GAREM1: variants seen among roughly 807,000 people sequenced by gnomAD.
GAREM1 encodes GRB2 associated regulator of MAPK1 subtype 1, also known as GRB2-associated and regulator of MAPK protein 1.
In GAREM1, 26 loss-of-function variants were observed where a neutral mutation model predicts 71.3. That is an observed-to-expected ratio of 0.36 (90% CI 0.27 to 0.51). The LOEUF (loss-of-function observed/expected upper bound fraction) is 0.51, where lower values mean the gene tolerates loss of function less well. GAREM1 is among the 20% of genes least tolerant of loss of function. The pLI is 0.95. For synonymous variants in GAREM1, 440 were observed against 433.2 expected (o/e 1.02, Z -0.20); for missense variants, 1,026 against 1,103.1 (o/e 0.93, Z 0.99).
At chr18:32,385,467 TCTG>T (rs2048137405) in intron 2 of GAREM1, among the ~76,000 whole-genome samples, 1 of 152,040 alleles carries the variant, frequency 6.6e-6, no homozygotes, top group African/African-American at 2.4e-5. Flanking sequence ...AGCTGTCCCC[TCTG>T]AGGCTCCAGG....
At chr18:32,431,384 C>T (rs751103652) in intron 1 of GAREM1, among the ~76,000 whole-genome samples, 15 of 152,162 alleles carry the variant, frequency 9.9e-5, no homozygotes, top group Non-Finnish European at 1.8e-4. Context: ...AATCCCAGCA[C>T]TTTGGGAGGC....
At chr18:32,453,005 C>T (rs184343582) in intron 1 of GAREM1, among the ~76,000 whole-genome samples, 51 of 152,046 alleles carry the variant, frequency 3.4e-4, no homozygotes, top group Non-Finnish European at 5.4e-4. Context: ...TCCATTTTCA[C>T]GCTGCTGATA....
intron 3 of GAREM1, among the ~76,000 whole-genome samples, chr18:32,296,227 C>A (rs986304270): frequency 2.6e-5 from 4 of 152,172 alleles, no homozygotes; most frequent in Non-Finnish European, 5.9e-5. Flanking sequence ...TCCCAAAGGG[C>A]TGGGATTACA....
chr18:32,399,434 G>C (rs1395332737), intron 1 of GAREM1, among the ~76,000 whole-genome samples: 2 of 152,172 alleles, frequency 1.3e-5, no homozygotes, highest in Non-Finnish European at 2.9e-5. Flanking sequence ...CATCGTCTCA[G>C]CCCAAAATCT....
chr18:32,374,331 C>T (rs1284712756), intron 2 of GAREM1, among the ~76,000 whole-genome samples: 3 of 152,184 alleles, frequency 2.0e-5, no homozygotes, highest in Non-Finnish European at 4.4e-5. Flanking sequence ...CTTTAATTTG[C>T]AGGTTGGTTT....
chr18:32,431,712 C>T (rs1215022032), intron 1 of GAREM1, among the ~76,000 whole-genome samples: 3 of 152,102 alleles, frequency 2.0e-5, no homozygotes, highest in African/African-American at 7.2e-5. Flanking sequence ...TCAAAAATGT[C>T]AGCAAATACC....
At chr18:32,380,142 AT>A (rs2048081145) in intron 2 of GAREM1, among the ~76,000 whole-genome samples, 1 of 152,126 alleles carries the variant, frequency 6.6e-6, no homozygotes. Context: ...TCTGTGGAAC[AT>A]TTTTCTATAA....
Position 32,375,096 on chromosome 18 carries a change from T to C in GAREM1, c.262+17799A>G, listed in dbSNP as rs1318512349. 2.0e-5 allele frequency among the ~76,000 whole-genome samples: 3 copies of C among 152,320 alleles called. No homozygotes were observed. In the East Asian group the frequency reaches 5.8e-4, roughly 29 times the overall value. On this transcript the variant is annotated intron_variant, in intron 2 of 5. Coordinates refer to ENST00000269209, the MANE Select transcript of GAREM1 (RefSeq NM_001242409.2). Reference sequence around the variant, plus strand: ...AAATTATATATACACACTAAATATATGTATGTAAATTATAGTTTACGAAAT... The same window carrying C: ...AAATTATATATACACACTAAATATACGTATGTAAATTATAGTTTACGAAAT...
Position 32,363,498 on chromosome 18 carries a change from C to G in GAREM1, c.262+29397G>C, listed in dbSNP as rs79406809. Among the ~76,000 whole-genome samples, 9 of 152,040 alleles carry G rather than the reference C, an allele frequency of 5.9e-5. No homozygotes were observed. In the East Asian group the frequency reaches 1.7e-3, roughly 29 times the overall value. On this transcript the variant is annotated intron_variant, in intron 2 of 5. Transcript: ENST00000269209. ...ATAGATACAATTTCTTTTGCATTTC[C>G]CTGATTCAATAAGATTTTTGAATCT...
chr18:32,325,020 T>C lies in GAREM1; in HGVS notation c.263-14697A>G, dbSNP rs374780138. Among the ~76,000 whole-genome samples, 10 of 152,304 alleles carry C rather than the reference T, an allele frequency of 6.6e-5. No individual in the cohort carries two copies. In the East Asian group the frequency reaches 7.7e-4, roughly 12 times the overall value. On this transcript the variant is annotated intron_variant, in intron 2 of 5. Coordinates refer to ENST00000269209, the MANE Select transcript of GAREM1 (RefSeq NM_001242409.2). Reference sequence around the variant, plus strand: ...CAGGCTGGAGTGCAGTGGTGCGATCTTGGCTCACTGCAACCTCCACCTCCT... The same window carrying C: ...CAGGCTGGAGTGCAGTGGTGCGATCCTGGCTCACTGCAACCTCCACCTCCT...
At chr18:32,365,133 G>C (rs912247233) in intron 2 of GAREM1, among the ~76,000 whole-genome samples, 4 of 152,118 alleles carry the variant, frequency 2.6e-5, no homozygotes, top group Admixed American at 1.3e-4. Flanking sequence ...GCGGAGGGCT[G>C]TAAGATGGAA....
rs746348872 is a variant in GAREM1 at position 32,400,826 on chromosome 18, A to G, written c.122-7791T>C. 9.6e-4 allele frequency among the ~76,000 whole-genome samples: 146 copies of G among 152,230 alleles called. 1 individual carries two copies. The highest frequency in any genetic ancestry group is 1.8e-3 in the Non-Finnish European group (121 of 68,042). On this transcript the variant is annotated intron_variant, in intron 1 of 5. Coordinates refer to ENST00000269209, the MANE Select transcript of GAREM1 (RefSeq NM_001242409.2). ...TGACCCAGCCATCTCATTACTGGGT[A>G]TATACCCAAAGGATTATAAATCATG...
intron 4 of GAREM1, among the ~76,000 whole-genome samples, chr18:32,270,778 T>C (rs551492350): frequency 6.6e-6 from 1 of 152,228 alleles, no homozygotes; most frequent in East Asian, 1.9e-4. Flanking sequence ...TGAGGATTCA[T>C]CTCTTCTATT....
chr18:32,329,704 A>G (rs1170329038), intron 2 of GAREM1, among the ~76,000 whole-genome samples: 1 of 78,366 alleles, frequency 1.3e-5, no homozygotes, highest in African/African-American at 6.8e-5. Context: ...AGACTCCATT[A>G]AAAAAAAAAA....
chr18:32,453,013 A>G (rs1171846682), intron 1 of GAREM1, among the ~76,000 whole-genome samples: 1 of 152,100 alleles, frequency 6.6e-6, no homozygotes, highest in East Asian at 1.9e-4. Flanking sequence ...CACGCTGCTG[A>G]TAAAGACATA....
intron 1 of GAREM1, among the ~76,000 whole-genome samples, chr18:32,455,068 A>C (rs1384082626): frequency 6.6e-6 from 1 of 152,240 alleles, no homozygotes; most frequent in Non-Finnish European, 1.5e-5. Flanking sequence ...GGAATCCAGG[A>C]TCGAGGTTTT....
chr18:32,350,539 TTATGA>T (rs2047738849), intron 2 of GAREM1, among the ~76,000 whole-genome samples: 1 of 152,128 alleles, frequency 6.6e-6, no homozygotes, highest in Admixed American at 6.5e-5. Flanking sequence ...CTACTCAAAC[TTATGA>T]TATTTCTGAC....
chr18:32,281,813 CCT>C (rs918067958), intron 4 of GAREM1, among the ~76,000 whole-genome samples: 2 of 152,166 alleles, frequency 1.3e-5, no homozygotes, highest in Non-Finnish European at 2.9e-5. Flanking sequence ...CATCGCATCC[CCT>C]GTGACTTGCA....
chr18:32,351,929 T>C (rs570134813), intron 2 of GAREM1, among the ~76,000 whole-genome samples: 6 of 152,326 alleles, frequency 3.9e-5, no homozygotes, highest in African/African-American at 1.4e-4. Flanking sequence ...TTGATAGATA[T>C]AAGGAATTAC....
Sources: gnomAD v4.1 joint callset for allele counts (sites outside exome capture counted in the v4.1 genomes callset) on GRCh38, gnomAD v4.1.1 for gene constraint, MANE v1.5 for transcripts, NCBI Gene and HGNC (gene_info 2026-07-23, HGNC 2026-07-21) for gene names.